LRFN5: variants seen among roughly 807,000 people sequenced by gnomAD.
LRFN5 encodes leucine rich repeat and fibronectin type III domain containing 5, also known as leucine-rich repeat and fibronectin type-III domain-containing protein 5.
In LRFN5, 24 loss-of-function variants were observed where a neutral mutation model predicts 45.6. The ratio of observed to expected loss-of-function variants is 0.53; its 90% CI spans 0.38 to 0.74. LRFN5 has a LOEUF of 0.74. LRFN5 is among the 30% of genes least tolerant of loss of function. The probability of loss-of-function intolerance (pLI) is 0.00; values close to 1 mark genes in which losing one functional copy is unlikely to be tolerated. For synonymous variants in LRFN5, 340 were observed against 313.8 expected, an observed-to-expected ratio of 1.08 and a Z score of -0.88; for missense variants, 776 against 861.5, an observed-to-expected ratio of 0.90 and a Z score of 1.24.
At chr14:41,753,579 G>C (rs924939920) in intron 1 of LRFN5, among the ~76,000 whole-genome samples, 1 of 152,044 alleles carries the variant, frequency 6.6e-6, no homozygotes, top group Non-Finnish European at 1.5e-5. Flanking sequence ...TCTGTTATTG[G>C]TGTATAAGAA....
chr14:41,764,451 A>C (rs566396022), intron 1 of LRFN5, among the ~76,000 whole-genome samples: 36 of 152,188 alleles, frequency 2.4e-4, no homozygotes, highest in Admixed American at 6.5e-4. Context: ...TGTTCTCATT[A>C]GTAATGTGAC....
At position 41,607,183 on chromosome 14, in the gene LRFN5, T is replaced by G. The variant is rs1278063761; in HGVS notation, c.-1576T>G. On this transcript the variant is annotated 5_prime_UTR_variant, in exon 1 of 6. Coordinates refer to ENST00000298119, the MANE Select transcript of LRFN5 (RefSeq NM_152447.5). The stretch of plus-strand genomic sequence containing the variant: ...GTGTGTTTGAGCGTGTTTTTCCTTC[T>G]TCCCTTGAGGATGTGAATTGTTTAG... 6.6e-6 allele frequency among the ~76,000 whole-genome samples: 1 copy of G among 152,178 alleles called. No homozygotes were observed. The highest frequency in any genetic ancestry group is 2.4e-5 in the African/African-American group (1 of 41,466).
At position 41,607,121 on chromosome 14, in the gene LRFN5, C is replaced by T. The variant is rs1440777489; in HGVS notation, c.-1638C>T. Among the ~76,000 whole-genome samples, 1 of 152,120 alleles carries T rather than the reference C, an allele frequency of 6.6e-6. No homozygotes were observed. Among genetic ancestry groups the T allele is most frequent in the Non-Finnish European group, 1.5e-5 (1 of 68,004 alleles). ...GGCGGTGAGCGTGTGCAGAGCTGCC[C>T]GAACGGAGGACTATGTATGTGTGTG... On this transcript the variant is annotated 5_prime_UTR_variant, in exon 1 of 6. Coordinates refer to ENST00000298119, the MANE Select transcript of LRFN5 (RefSeq NM_152447.5).
chr14:41,717,977 T>G (rs1883558950), intron 1 of LRFN5, among the ~76,000 whole-genome samples: 1 of 152,170 alleles, frequency 6.6e-6, no homozygotes, highest in South Asian at 2.1e-4. Flanking sequence ...ATTTTTTGTG[T>G]TGTTCTTAGC....
At chr14:41,660,925 C>A (rs1255156319) in intron 1 of LRFN5, among the ~76,000 whole-genome samples, 3 of 151,584 alleles carry the variant, frequency 2.0e-5, no homozygotes, top group South Asian at 4.2e-4. Context: ...TTTTTCTCTA[C>A]CTAATTTTAG....
At chr14:41,750,697 A>C (rs1205927998) in intron 1 of LRFN5, among the ~76,000 whole-genome samples, 1 of 152,152 alleles carries the variant, frequency 6.6e-6, no homozygotes, top group Non-Finnish European at 1.5e-5. Flanking sequence ...AAGGAAGTTT[A>C]ATTGACAGAG....
chr14:41,821,670 T>G (rs1473859779), intron 2 of LRFN5, among the ~76,000 whole-genome samples: 1 of 151,820 alleles, frequency 6.6e-6, no homozygotes, highest in Non-Finnish European at 1.5e-5. Context: ...GATTTCCTCT[T>G]TTTTGATTTT....
intron 2 of LRFN5, among the ~76,000 whole-genome samples, chr14:41,871,995 T>A (rs541955678): frequency 1.3e-5 from 2 of 152,296 alleles, no homozygotes; most frequent in South Asian, 4.1e-4. Flanking sequence ...ATGGCTTTTT[T>A]AAAATAAGAA....
Position 41,891,382 on chromosome 14 carries a change from C to G in LRFN5, c.1518C>G (p.Ile506Met), listed in dbSNP as rs1890773958. The G allele has an allele frequency of 6.2e-7, 1 of 1,614,074 alleles. No individual in the cohort carries two copies. The highest frequency in any genetic ancestry group is 8.5e-7 in the Non-Finnish European group (1 of 1,180,024). Residue 506 changes from isoleucine (I) to methionine (M), a missense_variant, in exon 4 of 6, where the codon ATC (isoleucine) becomes ATG (methionine). Coordinates refer to ENST00000298119, the MANE Select transcript of LRFN5 (RefSeq NM_152447.5). ...SLTATRVVGC[I>M]QFTTEQDYVR... ...CTGCCACAAGAGTCGTGGGTTGCAT[C>G]CAGTTTACTACGGAACAGGATTATG...
At chr14:41,708,093 C>T (rs541753479) in intron 1 of LRFN5, among the ~76,000 whole-genome samples, 2 of 151,700 alleles carry the variant, frequency 1.3e-5, no homozygotes, top group Non-Finnish European at 2.9e-5. Context: ...AATTAAGTAC[C>T]AAAATGTACA....
chr14:41,654,162 CG>C (rs1442195185), intron 1 of LRFN5, among the ~76,000 whole-genome samples: 4 of 151,512 alleles, frequency 2.6e-5, no homozygotes, highest in Non-Finnish European at 5.9e-5. Flanking sequence ...CACACCTGCA[CG>C]TTGTGCACAT....
chr14:41,815,976 A>AT (rs1282381907), intron 2 of LRFN5, among the ~76,000 whole-genome samples: 1 of 151,874 alleles, frequency 6.6e-6, no homozygotes, highest in African/African-American at 2.4e-5. Context: ...TTTTAATTTC[A>AT]TTTTTTAGAG....
chr14:41,770,114 C>G (rs1399932679), intron 2 of LRFN5, among the ~76,000 whole-genome samples: 1 of 152,106 alleles, frequency 6.6e-6, no homozygotes, highest in Non-Finnish European at 1.5e-5. Flanking sequence ...CTCTTTTTAA[C>G]AACCGGATCT....
intron 1 of LRFN5, among the ~76,000 whole-genome samples, chr14:41,660,647 T>C (rs1400524461): frequency 1.3e-5 from 2 of 151,986 alleles, no homozygotes; most frequent in Non-Finnish European, 2.9e-5. Context: ...GGTTCTGAAA[T>C]GATAGATGAA....
chr14:41,789,552 A>C (rs1285370351), intron 2 of LRFN5, among the ~76,000 whole-genome samples: 1 of 151,874 alleles, frequency 6.6e-6, no homozygotes, highest in African/African-American at 2.4e-5. Context: ...TATTGCAATC[A>C]AGATTCTGGT....
At chr14:41,695,058 AC>A (rs1162655035) in intron 1 of LRFN5, among the ~76,000 whole-genome samples, 1 of 152,024 alleles carries the variant, frequency 6.6e-6, no homozygotes, top group Non-Finnish European at 1.5e-5. Context: ...TCTTTTGAAC[AC>A]ACAAATAATA....
chr14:41,859,290 C>A (rs1889580588), intron 2 of LRFN5, among the ~76,000 whole-genome samples: 1 of 152,160 alleles, frequency 6.6e-6, no homozygotes. Flanking sequence ...ACATAGAGAG[C>A]AATTCTAAAT....
At chr14:41,878,814 G>T (rs572845900) in intron 2 of LRFN5, among the ~76,000 whole-genome samples, 3 of 152,014 alleles carry the variant, frequency 2.0e-5, no homozygotes, top group African/African-American at 7.2e-5. Context: ...TTCCAGAAAA[G>T]CATGAAAGCC....
chr14:41,712,877 A>G (rs535809932), intron 1 of LRFN5, among the ~76,000 whole-genome samples: 17 of 152,250 alleles, frequency 1.1e-4, no homozygotes, highest in African/African-American at 3.8e-4. Context: ...ATCTGGTACA[A>G]TGTATAGATA....
Sources: gnomAD v4.1 joint callset for allele counts (sites outside exome capture counted in the v4.1 genomes callset) on GRCh38, gnomAD v4.1.1 for gene constraint, MANE v1.5 for transcripts, NCBI Gene and HGNC (gene_info 2026-07-23, HGNC 2026-07-21) for gene names.